SEMA6D: variants seen among roughly 807,000 people sequenced by gnomAD.
SEMA6D encodes the protein semaphorin 6D.
Under a neutral mutation model 106.6 loss-of-function variants are expected in SEMA6D, and 35 were observed. The observed-to-expected ratio is 0.33, with a 90% CI of 0.25 to 0.44. The LOEUF is 0.44. SEMA6D is among the 20% of genes least tolerant of loss of function. SEMA6D has a pLI of 1.00. For missense variants in SEMA6D, 1,185 were observed against 1,345.9 expected (o/e 0.88, Z 1.87); for synonymous variants, 499 against 487.7 (o/e 1.02, Z -0.31).
chr15:47,332,176 C>G (rs944890200), intron 1 of SEMA6D, among the ~76,000 whole-genome samples: 1 of 152,204 alleles, frequency 6.6e-6, no homozygotes, highest in Non-Finnish European at 1.5e-5. Context: ...TTTTCCTTAA[C>G]TAATAGCACT....
At chr15:47,469,935 C>T (rs561829820) in intron 2 of SEMA6D, among the ~76,000 whole-genome samples, 6 of 152,098 alleles carry the variant, frequency 3.9e-5, no homozygotes, top group Admixed American at 1.3e-4. Context: ...ATAAACTCCA[C>T]GAGACTTTGT....
intron 4 of SEMA6D, among the ~76,000 whole-genome samples, chr15:47,641,106 T>C (rs892651466): frequency 6.6e-6 from 1 of 152,216 alleles, no homozygotes; most frequent in African/African-American, 2.4e-5. Context: ...TCCCCACTGC[T>C]GCTTCCGCCC....
chr15:47,672,458 G>A (rs1201613664), intron 4 of SEMA6D, among the ~76,000 whole-genome samples: 2 of 152,166 alleles, frequency 1.3e-5, no homozygotes, highest in African/African-American at 4.8e-5. Context: ...CAATCACATG[G>A]TAACTTAAAC....
At chr15:47,668,779 C>T (rs2078080510) in intron 4 of SEMA6D, among the ~76,000 whole-genome samples, 1 of 152,168 alleles carries the variant, frequency 6.6e-6, no homozygotes. Context: ...ATGTGGGTGC[C>T]TGCAGTTCCC....
chr15:47,654,634 G>A (rs763061302), intron 4 of SEMA6D, among the ~76,000 whole-genome samples: 12 of 152,122 alleles, frequency 7.9e-5, no homozygotes, highest in Non-Finnish European at 1.5e-4. Flanking sequence ...GAATGGCTTG[G>A]GCCATCTCAT....
chr15:47,472,729 A>C (rs1363630764), intron 3 of SEMA6D, among the ~76,000 whole-genome samples: 3 of 152,234 alleles, frequency 2.0e-5, no homozygotes, highest in Non-Finnish European at 4.4e-5. Flanking sequence ...ATTAAATGAG[A>C]TACACATATA....
chr15:47,664,557 C>T (rs1325197665), intron 4 of SEMA6D, among the ~76,000 whole-genome samples: 1 of 152,214 alleles, frequency 6.6e-6, no homozygotes, highest in Non-Finnish European at 1.5e-5. Flanking sequence ...ACAGAAATGA[C>T]CGTCCCTCCT....
At chr15:47,192,532 A>G (rs62017386) in intron 1 of SEMA6D, among the ~76,000 whole-genome samples, 1,548 of 152,328 alleles carry the variant, frequency 0.01, 15 homozygotes, top group Non-Finnish European at 0.016. Context: ...GAAACAATAC[A>G]TCTGCCCAAA....
chr15:47,671,479 C>T (rs2078136139), intron 4 of SEMA6D, among the ~76,000 whole-genome samples: 1 of 152,076 alleles, frequency 6.6e-6, no homozygotes. Context: ...GTTAGACAAA[C>T]ATCAGACAAA....
chr15:47,614,010 C>T (rs954262678), intron 4 of SEMA6D, among the ~76,000 whole-genome samples: 2 of 152,168 alleles, frequency 1.3e-5, no homozygotes, highest in Non-Finnish European at 2.9e-5. Context: ...ATTTGTACAA[C>T]TTAATGCCAT....
At chr15:47,522,236 A>G (rs1278846736) in intron 3 of SEMA6D, among the ~76,000 whole-genome samples, 1 of 152,250 alleles carries the variant, frequency 6.6e-6, no homozygotes, top group Non-Finnish European at 1.5e-5. Context: ...AATGCAAAGC[A>G]TTTGTAATCA....
intron 1 of SEMA6D, among the ~76,000 whole-genome samples, chr15:47,724,104 A>G (rs1254714752): frequency 6.6e-6 from 1 of 152,222 alleles, no homozygotes; most frequent in Non-Finnish European, 1.5e-5. Context: ...TTTTTGGTCT[A>G]CAGAGTTGTC....
At chr15:47,224,455 T>C (rs1288298973) in intron 1 of SEMA6D, among the ~76,000 whole-genome samples, 1 of 152,086 alleles carries the variant, frequency 6.6e-6, no homozygotes, top group Non-Finnish European at 1.5e-5. Context: ...ATTTTAACAA[T>C]AACCCTGTGA....
At chr15:47,401,738 T>G (rs1181573601) in intron 1 of SEMA6D, among the ~76,000 whole-genome samples, 1 of 152,204 alleles carries the variant, frequency 6.6e-6, no homozygotes, top group Admixed American at 6.5e-5. Context: ...ACTTTGTAAA[T>G]TAGGAAAGTC....
chr15:47,435,747 A>G (rs1216829554), intron 2 of SEMA6D, among the ~76,000 whole-genome samples: 1 of 152,008 alleles, frequency 6.6e-6, no homozygotes, highest in Non-Finnish European at 1.5e-5. Flanking sequence ...TGATTTCTTT[A>G]TATACTTTAA....
At chr15:47,371,219 C>T (rs549565862) in intron 1 of SEMA6D, among the ~76,000 whole-genome samples, 1 of 152,188 alleles carries the variant, frequency 6.6e-6, no homozygotes, top group East Asian at 1.9e-4. Flanking sequence ...AGACATTTTG[C>T]TGTCCATTGT....
chr15:47,403,904 G>A (rs949670913), intron 1 of SEMA6D, among the ~76,000 whole-genome samples: 1 of 152,120 alleles, frequency 6.6e-6, no homozygotes, highest in Non-Finnish European at 1.5e-5. Flanking sequence ...GGACTGACAA[G>A]GATAACCTTT....
At chr15:47,514,572 T>A (rs1275788644) in intron 3 of SEMA6D, among the ~76,000 whole-genome samples, 2 of 152,204 alleles carry the variant, frequency 1.3e-5, no homozygotes, top group Non-Finnish European at 2.9e-5. Flanking sequence ...TCTCCTTCTA[T>A]GACACACAAC....
chr15:47,647,206 A>G lies in SEMA6D; in HGVS notation c.-55+46310A>G, dbSNP rs150685213. 4.6e-5 allele frequency among the ~76,000 whole-genome samples: 7 copies of G among 152,314 alleles called. No individual in the cohort carries two copies. In the East Asian group the frequency reaches 1.2e-3, roughly 25 times the overall value. On this transcript the variant is annotated intron_variant, in intron 4 of 19. Transcript: ENST00000558014. ...GGATATAAAGTGTACTTTACAATGTAATAGGCTTTAACTACCAAGATATAC... is the reference window on the plus strand; with the variant it reads ...GGATATAAAGTGTACTTTACAATGTGATAGGCTTTAACTACCAAGATATAC...
Sources: allele counts gnomAD v4.1 joint callset (sites outside exome capture counted in the v4.1 genomes callset), GRCh38; gene constraint gnomAD v4.1.1; transcripts MANE v1.5; gene names NCBI Gene and HGNC (gene_info 2026-07-23, HGNC 2026-07-21).